Variants in GTF2IRD1 observed in about 807,000 individuals in gnomAD.
The protein encoded by GTF2IRD1 is general transcription factor II-I repeat domain-containing protein 1.
In GTF2IRD1, 26 loss-of-function variants were observed where a neutral mutation model predicts 113.2. The ratio of observed to expected loss-of-function variants is 0.23; its 90% CI spans 0.17 to 0.32. The LOEUF (loss-of-function observed/expected upper bound fraction) is 0.32, where lower values mean the gene tolerates loss of function less well. Among genes scored for constraint, GTF2IRD1 ranks in the 10% least tolerant of loss-of-function variants. The pLI is 1.00. For synonymous variants in GTF2IRD1, 484 were observed against 529.1 expected, an observed-to-expected ratio of 0.91 and a Z score of 1.17; for missense variants, 864 against 1,280.8, an observed-to-expected ratio of 0.67 and a Z score of 4.97.
chr7:74,580,573 T>C (rs1801355652), intron 22 of GTF2IRD1, among the ~76,000 whole-genome samples: 1 of 151,008 alleles, frequency 6.6e-6, no homozygotes, highest in Non-Finnish European at 1.5e-5. Flanking sequence ...TTGGTTGTCT[T>C]TTTTTTTTCC....
intron 22 of GTF2IRD1, among the ~76,000 whole-genome samples, chr7:74,587,811 C>G (rs1279027915): frequency 6.6e-6 from 1 of 152,136 alleles, no homozygotes; most frequent in African/African-American, 2.4e-5. Flanking sequence ...AGCAGCTCCT[C>G]TAGGCTACAG....
chr7:74,521,107 T>G, intron 6 of GTF2IRD1, 101 bp from the exon 7 acceptor site: 1 of 684,526 alleles, frequency 1.5e-6, no homozygotes, highest in Non-Finnish European at 2.6e-6. Flanking sequence ...CCCTGGCAGA[T>G]GAGGCTGTTA....
chr7:74,583,854 C>T (rs1483222174), intron 22 of GTF2IRD1, among the ~76,000 whole-genome samples: 7 of 152,150 alleles, frequency 4.6e-5, no homozygotes, highest in East Asian at 1.9e-4. Context: ...TCTTACTCAC[C>T]GCTCACAACT....
At chr7:74,547,799 G>A (rs1350980249) in intron 17 of GTF2IRD1, among the ~76,000 whole-genome samples, 1 of 148,396 alleles carries the variant, frequency 6.7e-6, no homozygotes, top group Non-Finnish European at 1.5e-5. Flanking sequence ...GTTAGATGGG[G>A]TTTGGCTGCA....
chr7:74,566,006 A>C (rs868953823), intron 22 of GTF2IRD1, among the ~76,000 whole-genome samples: 9 of 143,208 alleles, frequency 6.3e-5, no homozygotes, highest in East Asian at 4.1e-4. Flanking sequence ...AAGACACACA[A>C]ACACACACAC....
chr7:74,583,007 T>G (rs1282979784), intron 22 of GTF2IRD1, among the ~76,000 whole-genome samples: 1 of 152,134 alleles, frequency 6.6e-6, no homozygotes, highest in East Asian at 1.9e-4. Context: ...TAATTCTCTT[T>G]ACTCTAAATT....
intron 1 of GTF2IRD1, among the ~76,000 whole-genome samples, chr7:74,466,845 C>G (rs1167168410): frequency 6.6e-6 from 1 of 152,132 alleles, no homozygotes; most frequent in Non-Finnish European, 1.5e-5. Context: ...CCTTAGCACC[C>G]TGCCTGTTGC....
intron 1 of GTF2IRD1, among the ~76,000 whole-genome samples, chr7:74,467,503 A>ATTTTG (rs1267632166): frequency 6.6e-6 from 1 of 151,044 alleles, no homozygotes; most frequent in African/African-American, 2.4e-5. Flanking sequence ...TTATTTATTT[A>ATTTTG]TTTTGTTTTG....
chr7:74,579,257 A>G (rs587700550), intron 22 of GTF2IRD1, among the ~76,000 whole-genome samples: 1 of 152,296 alleles, frequency 6.6e-6, no homozygotes, highest in African/African-American at 2.4e-5. Context: ...GCAGTGAGCT[A>G]GGATCGCACT....
intron 7 of GTF2IRD1, among the ~76,000 whole-genome samples, chr7:74,522,309 T>G (rs1377366458): frequency 6.6e-6 from 1 of 151,482 alleles, no homozygotes; most frequent in Non-Finnish European, 1.5e-5. Flanking sequence ...TAGGAAAGTT[T>G]GGGATTCAGT....
At chr7:74,466,499 A>G (rs1361219663) in intron 1 of GTF2IRD1, among the ~76,000 whole-genome samples, 1 of 152,144 alleles carries the variant, frequency 6.6e-6, no homozygotes, top group Non-Finnish European at 1.5e-5. Flanking sequence ...GCCAGCCACG[A>G]TGAGCCTCAT....
chr7:74,581,173 C>T (rs183031118), intron 22 of GTF2IRD1, among the ~76,000 whole-genome samples: 7 of 152,312 alleles, frequency 4.6e-5, no homozygotes, highest in African/African-American at 1.4e-4. Context: ...GCACCCGCCA[C>T]TATGCCCGGC....
intron 2 of GTF2IRD1, among the ~76,000 whole-genome samples, chr7:74,508,797 A>G (rs1796450273): frequency 6.6e-6 from 1 of 151,928 alleles, no homozygotes; most frequent in Admixed American, 6.6e-5. Flanking sequence ...CCTGGGATGA[A>G]CCACATGCCT....
At chr7:74,493,339 TG>T (rs1160292595) in intron 1 of GTF2IRD1, among the ~76,000 whole-genome samples, 6 of 151,856 alleles carry the variant, frequency 4.0e-5, no homozygotes, top group Non-Finnish European at 5.9e-5. Flanking sequence ...CTCAAACTCC[TG>T]GGCTCAAGCA....
Position 74,529,750 on chromosome 7 carries a change from G to A in GTF2IRD1, c.1107G>A (p.Leu369=). 6.2e-7 allele frequency: 1 copy of A among 1,614,032 alleles called. No individual in the cohort carries two copies. The highest frequency in any genetic ancestry group is 8.5e-7 in the Non-Finnish European group (1 of 1,179,978). Residue 369 remains leucine, a synonymous_variant, in exon 9 of 27, where the codon CTG becomes CTA. Transcript: ENST00000424337. ...FNSRYAEALG[L]DHMVPVPYRK... is the part of the protein sequence containing the mutation. The stretch of plus-strand genomic sequence containing the variant: ...TCTTTCCAGCGGAAGCCCTGGGCCT[G>A]GACCACATGGTCCCCGTGCCCTACC...
intron 1 of GTF2IRD1, among the ~76,000 whole-genome samples, chr7:74,458,587 G>T (rs1226671117): frequency 6.6e-6 from 1 of 152,096 alleles, no homozygotes. Context: ...TGGCCTGTAG[G>T]GGGTGTGGTA....
At chr7:74,477,112 C>T (rs1562782149) in intron 1 of GTF2IRD1, among the ~76,000 whole-genome samples, 1 of 151,964 alleles carries the variant, frequency 6.6e-6, no homozygotes, top group Non-Finnish European at 1.5e-5. Context: ...GCCTGTAATC[C>T]CAGCACTTTG....
At chr7:74,590,627 G>A (rs587609154) in intron 23 of GTF2IRD1, among the ~76,000 whole-genome samples, 198 bp from the exon 24 acceptor site, 8 of 152,148 alleles carry the variant, frequency 5.3e-5, no homozygotes, top group African/African-American at 1.2e-4. Context: ...TCCTGACCTC[G>A]TGATCCTCCT....
chr7:74,548,606 T>C (rs1554354020), intron 17 of GTF2IRD1, among the ~76,000 whole-genome samples: 2 of 151,418 alleles, frequency 1.3e-5, no homozygotes, highest in East Asian at 3.9e-4. Context: ...TGTGTCACTA[T>C]AATTTTTTTT....
Sources: allele counts gnomAD v4.1 joint callset (sites outside exome capture counted in the v4.1 genomes callset), GRCh38; gene constraint gnomAD v4.1.1; transcripts MANE v1.5; gene names NCBI Gene and HGNC (gene_info 2026-07-23, HGNC 2026-07-21).